N4BP2: variants seen among roughly 807,000 people sequenced by gnomAD.
N4BP2 encodes NEDD4-binding protein 2.
Under a neutral mutation model 152.8 loss-of-function variants are expected in N4BP2, and 91 were observed. That is an observed-to-expected ratio of 0.60 (90% confidence interval 0.50 to 0.71). The LOEUF (loss-of-function observed/expected upper bound fraction) is 0.71. N4BP2 is among the 30% of genes least tolerant of loss of function. The probability of loss-of-function intolerance (pLI) is 0.00; values close to 1 mark genes in which losing one functional copy is unlikely to be tolerated. For synonymous variants in N4BP2, 646 were observed against 705.3 expected (o/e 0.92, Z 1.33); for missense variants, 1,923 against 2,059.1 (o/e 0.93, Z 1.28).
chr4:40,138,187 A>G (rs1719583624), intron 14 of N4BP2, among the ~76,000 whole-genome samples: 5 of 152,238 alleles, frequency 3.3e-5, no homozygotes, highest in South Asian at 2.1e-4. Context: ...CTTGATGACT[A>G]TTGATGTTGA....
In N4BP2 at chr4:40,093,004, C is replaced by T. The variant is rs545365929; in HGVS notation, c.-114-4223C>T. ...TGTCACCCAGGCTGGAATGCAATGG[C>T]GCAGTTTCAGTTCACTGCAACCTCT... On this transcript the variant is annotated intron_variant, in intron 2 of 17. Coordinates refer to ENST00000261435, the MANE Select transcript of N4BP2 (RefSeq NM_018177.6). 6.6e-4 allele frequency among the ~76,000 whole-genome samples: 99 copies of T among 150,714 alleles called. 1 individual carries two copies. In the South Asian group the frequency reaches 0.014, roughly 21 times the overall value.
chr4:40,137,611 G>A (rs1435902944), intron 14 of N4BP2, among the ~76,000 whole-genome samples: 3 of 152,138 alleles, frequency 2.0e-5, no homozygotes, highest in East Asian at 1.9e-4. Flanking sequence ...ATGGTAAGAC[G>A]TGCAGACATG....
In N4BP2 at chr4:40,156,302, A is replaced by G. The variant is rs1287429530; in HGVS notation, c.*2065A>G. The G allele has an allele frequency of 6.6e-6, 1 of 152,182 alleles. No individual in the cohort carries two copies. The highest frequency in any genetic ancestry group is 1.5e-5 in the Non-Finnish European group (1 of 68,012). 9.4% of individuals were successfully genotyped at this position (152,182 alleles called of 1,614,324 possible). A position where few individuals can be genotyped will look rare whatever the true frequency, so the allele number is the denominator to read the frequency against. ...TTATAATTATGATTAATGAAGGAGC[A>G]GTCAGAAGTAGAGGTGTGGTATTCC... On this transcript the variant is annotated 3_prime_UTR_variant, in exon 18 of 18. Transcript: ENST00000261435.
chr4:40,146,164 AAAAT>A (rs554299570), intron 16 of N4BP2, among the ~76,000 whole-genome samples: 7 of 151,756 alleles, frequency 4.6e-5, no homozygotes, highest in South Asian at 4.1e-4. Context: ...CTCTTTCTCA[AAAAT>A]AAATAAATAA....
chr4:40,127,797 A>G (rs1370003183), intron 12 of N4BP2, among the ~76,000 whole-genome samples: 1 of 152,118 alleles, frequency 6.6e-6, no homozygotes, highest in Non-Finnish European at 1.5e-5. Context: ...AGTATCTGGA[A>G]CTACAGGTGC....
chr4:40,144,639 T>G lies in N4BP2; in HGVS notation c.4982T>G (p.Leu1661Arg). The G allele has an allele frequency of 6.2e-7, 1 of 1,611,372 alleles. No individual in the cohort carries two copies. Among genetic ancestry groups the G allele is most frequent in the Non-Finnish European group, 8.5e-7 (1 of 1,178,842 alleles). ...GATATGTTTATGATTTAGGGTACTC[T>G]TCATGAGCAGAAGATGAAAGAAGCC... is the stretch of plus-strand genomic sequence containing the variant. Reference protein sequence around the residue: ...VATFYAQQGTLHEQKMKEANH... With the variant: ...VATFYAQQGTRHEQKMKEANH... The change falls in exon 16 of 18, where the codon CTT (leucine) becomes CGT (arginine). Residue 1661 changes from leucine (L) to arginine (R), a missense_variant. Coordinates refer to ENST00000261435, the MANE Select transcript of N4BP2 (RefSeq NM_018177.6).
intron 14 of N4BP2, chr4:40,142,341 G>T: frequency 6.3e-6 from 2 of 315,826 alleles, no homozygotes; most frequent in South Asian, 7.1e-5. Flanking sequence ...GGCTGGGGGT[G>T]ACTGGGTGGT....
chr4:40,177,339 G>A, the N4BP2 span, among the ~76,000 whole-genome samples: 889 of 152,236 alleles, frequency 5.8e-3, 11 homozygotes, highest in African/African-American at 0.02. Context: ...TCCTGGGCCC[G>A]GCACGGTGGT....
chr4:40,102,726 G>T lies in N4BP2; in HGVS notation c.881G>T (p.Cys294Phe), dbSNP rs1377441922. 6.2e-7 allele frequency: 1 copy of T among 1,614,194 alleles called. No homozygotes were observed. ...VDLDASEPQA[C>F]LNLPGLDLPG... ...TTGGATGCCAGTGAACCTCAGGCTT[G>T]TTTAAACCTTCCAGGGCTTGATTTA... The change falls in exon 4 of 18, where the codon TGT (cysteine) becomes TTT (phenylalanine). Residue 294 changes from cysteine (C) to phenylalanine (F), a missense_variant. Transcript: ENST00000261435.
intron 3 of N4BP2, 110 bp from the exon 4 acceptor site, chr4:40,101,965 T>G: frequency 1.6e-6 from 1 of 644,132 alleles, no homozygotes; most frequent in Non-Finnish European, 2.5e-6. Context: ...ACATTTATAT[T>G]CTGTTCAATG....
chr4:40,162,663 G>C (rs550319030), downstream of N4BP2, among the ~76,000 whole-genome samples: 399 of 152,270 alleles, frequency 2.6e-3, 3 homozygotes, highest in African/African-American at 9.2e-3. Flanking sequence ...AGGAGCACTG[G>C]TTTTACTCAA....
chr4:40,058,793 A>T (rs1733422557), intron 1 of N4BP2, among the ~76,000 whole-genome samples: 1 of 152,090 alleles, frequency 6.6e-6, no homozygotes, highest in African/African-American at 2.4e-5. Flanking sequence ...ATTTATTTTA[A>T]ATCTAAATAC....
rs573716449 is a variant in N4BP2, at chr4:40,099,853, A to AT, written c.230-2215dup. 4.1e-3 allele frequency among the ~76,000 whole-genome samples: 617 copies of AT among 150,710 alleles called. 8 individuals carry two copies. The highest frequency in any genetic ancestry group is 0.014 in the African/African-American group (573 of 40,996). On this transcript the variant is annotated intron_variant, in intron 3 of 17. Coordinates refer to ENST00000261435, the MANE Select transcript of N4BP2 (RefSeq NM_018177.6). ...CTTTTCTGGTTTTACTGTCATGTAG[A>AT]TTTTTTTCATAGAAATACTCCTTAC...
In N4BP2 at chr4:40,112,288, A is replaced by G. The variant is rs1579054369; in HGVS notation, c.1587+116A>G. The G allele has an allele frequency of 5.6e-5, 36 of 637,598 alleles. 1 individual carries two copies. The South Asian group carries it at 7.7e-4, about 14-fold the overall frequency. The allele number at this position is 637,598 out of a possible 1,614,324, so 39.5% of individuals were successfully genotyped here. A position where few individuals can be genotyped will look rare whatever the true frequency, so the allele number is the denominator to read the frequency against. On this transcript the variant is annotated intron_variant, in intron 6 of 17. Transcript: ENST00000261435. ...AATCTCAGAACCTTGGATAGTCTGT[A>G]AATGAGCTTTCATTGGTGTTCAGCA...
Position 40,102,150 on chromosome 4 carries a change from T to G in N4BP2, c.305T>G (p.Phe102Cys). Reference sequence around the variant, plus strand: ...ATAGAAGAATCATCTTCACAAAGTTTCGTTGCTTCTGAGAACCAAGTAGGT... The same window carrying G: ...ATAGAAGAATCATCTTCACAAAGTTGCGTTGCTTCTGAGAACCAAGTAGGT... ...TKIEESSSQS[F>C]VASENQVGAA... The change falls in exon 4 of 18, where the codon TTC becomes TGC. Residue 102 changes from phenylalanine to cysteine, a missense_variant. Physicochemically the swap from Phe to Cys is radical, Grantham distance 205 (BLOSUM62 -2). Coordinates refer to ENST00000261435, the MANE Select transcript of N4BP2 (RefSeq NM_018177.6). 6.2e-7 allele frequency: 1 copy of G among 1,613,492 alleles called. No individual in the cohort carries two copies. Among genetic ancestry groups the G allele is most frequent in the Non-Finnish European group, 8.5e-7 (1 of 1,179,670 alleles).
intron 1 of N4BP2, among the ~76,000 whole-genome samples, chr4:40,061,478 C>T (rs1219374552): frequency 1.3e-5 from 2 of 152,004 alleles, no homozygotes; most frequent in African/African-American, 4.8e-5. Flanking sequence ...GATTCTTCTG[C>T]CTCAGCCTCC....
chr4:40,187,529 A>G, the N4BP2 span, among the ~76,000 whole-genome samples: 1 of 152,090 alleles, frequency 6.6e-6, no homozygotes, highest in Non-Finnish European at 1.5e-5. Context: ...TATGTTGCCC[A>G]GGCTGGTCTC....
At chr4:40,076,545 G>A (rs1388897645) in intron 2 of N4BP2, among the ~76,000 whole-genome samples, 1 of 151,996 alleles carries the variant, frequency 6.6e-6, no homozygotes, top group East Asian at 1.9e-4. Context: ...GCTGGGCGCA[G>A]TGGCGCCATC....
At chr4:40,150,671 A>AG (rs1235855712) in intron 16 of N4BP2, among the ~76,000 whole-genome samples, 14 of 59,982 alleles carry the variant, frequency 2.3e-4, no homozygotes, top group South Asian at 3.2e-3. Flanking sequence ...ACTCTGTCTC[A>AG]GGGGGAAAAA....
Sources: gnomAD v4.1 joint callset for allele counts (sites outside exome capture counted in the v4.1 genomes callset) on GRCh38, gnomAD v4.1.1 for gene constraint, MANE v1.5 for transcripts, NCBI Gene and HGNC (gene_info 2026-07-23, HGNC 2026-07-21) for gene names.